The following FRMD4A variants were observed in gnomAD, a reference collection of about 807,000 sequenced individuals.
FRMD4A encodes the protein FERM domain containing 4A.
Under a neutral mutation model 129.1 loss-of-function variants are expected in FRMD4A, and 29 were observed. The observed-to-expected ratio is 0.22, with a 90% CI of 0.17 to 0.31. The LOEUF (loss-of-function observed/expected upper bound fraction) is 0.31, where lower values mean the gene tolerates loss of function less well. Ranked by LOEUF, FRMD4A falls within the 10% of genes least tolerant of loss-of-function variation. FRMD4A has a pLI of 1.00. For synonymous variants in FRMD4A, 634 were observed against 571.6 expected, an observed-to-expected ratio of 1.11 and a Z score of -1.56; for missense variants, 1,272 against 1,375.8, an observed-to-expected ratio of 0.92 and a Z score of 1.19.
At chr10:14,105,293 T>G (rs531031758) in intron 2 of FRMD4A, among the ~76,000 whole-genome samples, 1 of 152,166 alleles carries the variant, frequency 6.6e-6, no homozygotes, top group Non-Finnish European at 1.5e-5. Context: ...TGGCTGGGCA[T>G]GGCGCATCAT....
At chr10:13,922,480 G>C (rs1375856130) in intron 2 of FRMD4A, among the ~76,000 whole-genome samples, 2 of 152,162 alleles carry the variant, frequency 1.3e-5, no homozygotes, top group African/African-American at 4.8e-5. Context: ...ACTGGTTTAA[G>C]GTCATGTAAA....
chr10:13,907,966 G>A (rs549153258), intron 2 of FRMD4A, among the ~76,000 whole-genome samples: 1 of 151,164 alleles, frequency 6.6e-6, no homozygotes, highest in South Asian at 2.1e-4. Flanking sequence ...AGGAGTTCAC[G>A]ACCAGCCTGG....
At chr10:14,271,197 T>A (rs758750285) in intron 2 of FRMD4A, among the ~76,000 whole-genome samples, 9 of 152,178 alleles carry the variant, frequency 5.9e-5, no homozygotes, top group Non-Finnish European at 1.0e-4. Context: ...AGTCTCCACC[T>A]CCAACACTGG....
chr10:13,779,700 G>C (rs1274788180), intron 6 of FRMD4A, among the ~76,000 whole-genome samples: 1 of 151,462 alleles, frequency 6.6e-6, no homozygotes. Flanking sequence ...GAAATCCTAG[G>C]TTTAGTATTA....
chr10:13,701,619 G>C, intron 13 of FRMD4A, 141 bp from the exon 14 acceptor site: 1 of 689,056 alleles, frequency 1.5e-6, no homozygotes, highest in South Asian at 1.8e-5. Flanking sequence ...ATACACCTAG[G>C]CGTACACACA....
At chr10:13,877,770 G>C (rs542790421) in intron 2 of FRMD4A, among the ~76,000 whole-genome samples, 7 of 152,304 alleles carry the variant, frequency 4.6e-5, no homozygotes. Context: ...CATTCTTCCT[G>C]GGGGAGGTTT....
chr10:13,918,557 C>T (rs973174243), intron 2 of FRMD4A, among the ~76,000 whole-genome samples: 1 of 152,138 alleles, frequency 6.6e-6, no homozygotes, highest in Admixed American at 6.5e-5. Flanking sequence ...GAGAGAGAGT[C>T]TCACTCTGTC....
Position 13,805,350 on chromosome 10 carries a change from TG to T in FRMD4A, c.206+5463del, listed in dbSNP as rs560382371. On this transcript the variant is annotated intron_variant, in intron 4 of 24. Transcript: ENST00000357447. ...TGTGAAAATAAATTCTAACTATACT[TG>T]TCTTTTAAATTTGGAGTAATGGCTA... Among the ~76,000 whole-genome samples the T allele has an allele frequency of 1.2e-4, 18 of 152,214 alleles. 1 individual carries two copies. The South Asian group carries it at 3.7e-3, about 32-fold the overall frequency.
intron 2 of FRMD4A, among the ~76,000 whole-genome samples, chr10:14,013,941 A>C (rs774818336): frequency 3.9e-5 from 6 of 152,284 alleles, no homozygotes; most frequent in Non-Finnish European, 5.9e-5. Flanking sequence ...CAAAACAAAA[A>C]CAAACAAACA....
In FRMD4A at chr10:13,741,253, C is replaced by T. The variant is rs1279773383; in HGVS notation, c.549-676G>A. ...TTGCTTGAGCCCAGGAGTTTGAGAC[C>T]AGCCTGGGCAACACAGTGAGACCTT... On this transcript the variant is annotated intron_variant, in intron 9 of 24. Coordinates refer to ENST00000357447, the MANE Select transcript of FRMD4A (RefSeq NM_018027.5). Among the ~76,000 whole-genome samples the T allele has an allele frequency of 2.0e-5, 3 of 151,134 alleles. No individual in the cohort carries two copies. The East Asian group carries it at 5.9e-4, about 30-fold the overall frequency.
At chr10:13,785,639 C>T (rs10737082) in intron 5 of FRMD4A, among the ~76,000 whole-genome samples, 80,210 of 151,834 alleles carry the variant, frequency 0.53, 21,584 homozygotes, top group East Asian at 0.62. Context: ...TTTTTTATTA[C>T]ACTTTAAGTT....
chr10:14,280,611 G>A (rs1845486989), intron 2 of FRMD4A, among the ~76,000 whole-genome samples: 1 of 152,108 alleles, frequency 6.6e-6, no homozygotes. Context: ...GCTATAAAAG[G>A]GACTGGATTT....
chr10:13,938,396 C>T (rs2095265364), intron 2 of FRMD4A, among the ~76,000 whole-genome samples: 1 of 152,122 alleles, frequency 6.6e-6, no homozygotes, highest in Admixed American at 6.6e-5. Flanking sequence ...CGCACACCAA[C>T]ATGCCTGGCT....
At chr10:14,108,768 A>G (rs1837717218) in intron 2 of FRMD4A, among the ~76,000 whole-genome samples, 1 of 152,206 alleles carries the variant, frequency 6.6e-6, no homozygotes, top group African/African-American at 2.4e-5. Context: ...ATGAAATAGA[A>G]TGAATTCCTG....
chr10:14,088,380 G>A (rs1293721948), intron 2 of FRMD4A, among the ~76,000 whole-genome samples: 4 of 151,392 alleles, frequency 2.6e-5, no homozygotes, highest in Non-Finnish European at 5.9e-5. Context: ...GTGGGCGGCC[G>A]AAGCTGCAAT....
intron 2 of FRMD4A, among the ~76,000 whole-genome samples, chr10:14,316,524 A>AAAAAAGAAG (rs556192567): frequency 2.3e-5 from 3 of 132,618 alleles, no homozygotes; most frequent in South Asian, 2.5e-4. Flanking sequence ...AAAAAAAAAA[A>AAAAAAGAAG]AAGAAGAAGA....
In FRMD4A at chr10:13,822,493, A is replaced by C. The variant is rs567676756; in HGVS notation, c.112-11585T>G. 8.5e-5 allele frequency among the ~76,000 whole-genome samples: 13 copies of C among 152,352 alleles called. 1 individual carries two copies. In the South Asian group the frequency reaches 2.7e-3, roughly 32 times the overall value. ...CACCCCAATACAGTCCCTGACACAC[A>C]GTAGGTGCCTAATGAAAGTTTCCTA... On this transcript the variant is annotated intron_variant, in intron 3 of 24. Coordinates refer to ENST00000357447, the MANE Select transcript of FRMD4A (RefSeq NM_018027.5).
At chr10:13,706,189 G>T (rs943084847) in intron 13 of FRMD4A, among the ~76,000 whole-genome samples, 6 of 152,156 alleles carry the variant, frequency 3.9e-5, no homozygotes, top group Non-Finnish European at 8.8e-5. Context: ...TCTTTTTTCT[G>T]TCTCCCTGGG....
At chr10:13,747,668 T>C in intron 9 of FRMD4A, 68 bp downstream of exon 9, 1 of 816,594 alleles carries the variant, frequency 1.2e-6, no homozygotes, top group South Asian at 1.4e-5. Flanking sequence ...GAGGGTACAT[T>C]CAGTTGTCCT....
Sources: gnomAD v4.1 joint callset for allele counts (sites outside exome capture counted in the v4.1 genomes callset) on GRCh38, gnomAD v4.1.1 for gene constraint, MANE v1.5 for transcripts, NCBI Gene and HGNC (gene_info 2026-07-23, HGNC 2026-07-21) for gene names.